The following DYNC1H1 variants were observed in gnomAD, a reference collection of about 807,000 sequenced individuals.
DYNC1H1 encodes the protein cytoplasmic dynein 1 heavy chain 1.
In DYNC1H1, 51 loss-of-function variants were observed where a neutral mutation model predicts 527.1. The ratio of observed to expected loss-of-function variants is 0.10; its 90% CI spans 0.08 to 0.12. The LOEUF is 0.12. DYNC1H1 is among the 10% of genes least tolerant of loss of function. DYNC1H1 has a pLI of 1.00. For missense variants in DYNC1H1, 2,771 were observed against 5,971.8 expected (o/e 0.46, Z 17.66); for synonymous variants, 2,189 against 2,278.8 (o/e 0.96, Z 1.12).
At position 102,041,878 on chromosome 14, in the gene DYNC1H1, C is replaced by T. The variant is rs576809364; in HGVS notation, c.12103-135C>T. ...GGAACTCGCTGCAGATTCTCAACTC[C>T]TGGCTGCATGGTGCCCACACCTCTG... On this transcript the variant is annotated intron_variant, in intron 65 of 77. Transcript: ENST00000360184. The surrounding 1 kb of genome is among the most constrained non-coding windows in gnomAD (Gnocchi z 4.5). 4.6e-6 allele frequency: 7 copies of T among 1,506,822 alleles called. No homozygotes were observed. The African/African-American group carries it at 5.5e-5, about 12-fold the overall frequency. 93.3% of individuals were successfully genotyped at this position (1,506,822 alleles called of 1,614,324 possible).
chr14:102,000,644 G>A lies in DYNC1H1; in HGVS notation c.4074+245G>A, dbSNP rs530227769. ...GGCTGGAGTGCAATGGCATGATCTC[G>A]GCTCACTGCAACCTCCGCCTCCCGG... On this transcript the variant is annotated intron_variant, in intron 18 of 77. Coordinates refer to ENST00000360184, the MANE Select transcript of DYNC1H1 (RefSeq NM_001376.5). 4.7e-4 allele frequency: 235 copies of A among 502,926 alleles called. 1 individual carries two copies. Among genetic ancestry groups the A allele is most frequent in the Non-Finnish European group, 7.3e-4 (207 of 284,170 alleles). 31.2% of individuals were successfully genotyped at this position (502,926 alleles called of 1,614,324 possible). A position where few individuals can be genotyped will look rare whatever the true frequency, so the allele number is the denominator to read the frequency against.
Position 101,997,404 on chromosome 14 carries a change from G to A in DYNC1H1, c.3804+130G>A. On this transcript the variant is annotated intron_variant, in intron 16 of 77. Coordinates refer to ENST00000360184, the MANE Select transcript of DYNC1H1 (RefSeq NM_001376.5). This position sits in a 1 kb window ranked among gnomAD's most constrained non-coding sequence, Gnocchi z 4.8. Reference sequence around the variant, plus strand: ...ATTGAAGACTCTTTTCCTTTTTGTAGTTAAAAAAGCAGATGGAGATAGCAA... The same window carrying A: ...ATTGAAGACTCTTTTCCTTTTTGTAATTAAAAAAGCAGATGGAGATAGCAA... The A allele has an allele frequency of 6.7e-7, 1 of 1,492,858 alleles. No homozygotes were observed. 92.5% of individuals were successfully genotyped at this position (1,492,858 alleles called of 1,614,324 possible).
chr14:101,965,092 CG>C lies in DYNC1H1; in HGVS notation c.256+146del. 7.9e-6 allele frequency: 7 copies of C among 883,860 alleles called. No individual in the cohort carries two copies. The highest frequency in any genetic ancestry group is 1.1e-5 in the Non-Finnish European group (7 of 629,288). 54.8% of individuals were successfully genotyped at this position (883,860 alleles called of 1,614,324 possible). A position where few individuals can be genotyped will look rare whatever the true frequency, so the allele number is the denominator to read the frequency against. ...CCCTGGATGGGCAGAGCCCGGCGGC[CG>C]CAGACGTCCCGCCGGCCGGGTCCCC... On this transcript the variant is annotated intron_variant, in intron 1 of 77. Coordinates refer to ENST00000360184, the MANE Select transcript of DYNC1H1 (RefSeq NM_001376.5). This position sits in a 1 kb window ranked among gnomAD's most constrained non-coding sequence, Gnocchi z 4.1.
Position 102,012,851 on chromosome 14 carries a change from G to C in DYNC1H1, c.7014+381G>C. The C allele has an allele frequency of 2.9e-6, 1 of 347,754 alleles. No individual in the cohort carries two copies. Among genetic ancestry groups the C allele is most frequent in the Non-Finnish European group, 5.5e-6 (1 of 180,766 alleles). The allele number at this position is 347,754 out of a possible 1,614,324, so 21.5% of individuals were successfully genotyped here. A position where few individuals can be genotyped will look rare whatever the true frequency, so the allele number is the denominator to read the frequency against. ...GTCCCTTGGAAAATGAGTGCATGATGCAGGTGCCTGACAACACCTACTGAT... is the reference window on the plus strand; with the variant it reads ...GTCCCTTGGAAAATGAGTGCATGATCCAGGTGCCTGACAACACCTACTGAT... On this transcript the variant is annotated intron_variant, in intron 34 of 77. Transcript: ENST00000360184. The surrounding 1 kb of genome is among the most constrained non-coding windows in gnomAD (Gnocchi z 4.9).
In DYNC1H1 at chr14:102,044,892, G is replaced by A. The variant is rs566853487; in HGVS notation, c.13006+194G>A. On this transcript the variant is annotated intron_variant, in intron 72 of 77. Coordinates refer to ENST00000360184, the MANE Select transcript of DYNC1H1 (RefSeq NM_001376.5). The surrounding 1 kb of genome is among the most constrained non-coding windows in gnomAD (Gnocchi z 7.1). ...CAGCTGCTCCTAGCTCCACTCCGAG[G>A]GGAGGCAGAGGAAAGAACTGGCTCT... 4.7e-6 allele frequency: 3 copies of A among 634,306 alleles called. No homozygotes were observed. The highest frequency in any genetic ancestry group is 3.6e-5 in the African/African-American group (2 of 55,008). 39.3% of individuals were successfully genotyped at this position (634,306 alleles called of 1,614,324 possible).
chr14:102,050,065 T>C lies in DYNC1H1; in HGVS notation c.13685-6T>C, dbSNP rs767946487. Reference sequence around the variant, plus strand: ...CTCAGCCTGGGTTTTGGCTTCCGCCTCACAGGTTTGAAACTTCAAGGGGCC... The same window carrying C: ...CTCAGCCTGGGTTTTGGCTTCCGCCCCACAGGTTTGAAACTTCAAGGGGCC... On this transcript the variant is annotated splice_region_variant and splice_polypyrimidine_tract_variant and intron_variant, in intron 76 of 77. Transcript: ENST00000360184. The C allele has an allele frequency of 6.2e-7, 1 of 1,614,116 alleles. No homozygotes were observed. The highest frequency in any genetic ancestry group is 1.1e-5 in the South Asian group (1 of 91,088).
Position 102,011,049 on chromosome 14 carries a change from C to T in DYNC1H1, c.6618+97C>T. ...GTGGGCCCTTCGATGAAACTGTCCA[C>T]AAAGGCTGTGGAGGTGCATAATATG... On this transcript the variant is annotated intron_variant, in intron 32 of 77. Coordinates refer to ENST00000360184, the MANE Select transcript of DYNC1H1 (RefSeq NM_001376.5). The surrounding 1 kb of genome is among the most constrained non-coding windows in gnomAD (Gnocchi z 5.3). 1.5e-6 allele frequency: 2 copies of T among 1,321,138 alleles called. No homozygotes were observed. Among genetic ancestry groups the T allele is most frequent in the Non-Finnish European group, 2.2e-6 (2 of 916,924 alleles). The allele number at this position is 1,321,138 out of a possible 1,614,324, so 81.8% of individuals were successfully genotyped here.
chr14:102,033,616 CT>C lies in DYNC1H1; in HGVS notation c.10413+138del. On this transcript the variant is annotated intron_variant, in intron 54 of 77. Transcript: ENST00000360184. This position sits in a 1 kb window ranked among gnomAD's most constrained non-coding sequence, Gnocchi z 5.6. Reference sequence around the variant, plus strand: ...TTAACATCTGTAAGGCCCCGGAGGACTTTTTTCCTGGAAAATAATACACACT... The same window carrying C: ...TTAACATCTGTAAGGCCCCGGAGGACTTTTTCCTGGAAAATAATACACACT... 7 of 1,203,466 alleles carry C rather than the reference CT, an allele frequency of 5.8e-6. No individual in the cohort carries two copies. Among genetic ancestry groups the C allele is most frequent in the Non-Finnish European group, 5.9e-6 (5 of 843,802 alleles). The allele number at this position is 1,203,466 out of a possible 1,614,324, so 74.5% of individuals were successfully genotyped here. A position where few individuals can be genotyped will look rare whatever the true frequency, so the allele number is the denominator to read the frequency against.
chr14:102,005,778 A>G lies in DYNC1H1; in HGVS notation c.5434-110A>G. On this transcript the variant is annotated intron_variant, in intron 26 of 77. Coordinates refer to ENST00000360184, the MANE Select transcript of DYNC1H1 (RefSeq NM_001376.5). This position sits in a 1 kb window ranked among gnomAD's most constrained non-coding sequence, Gnocchi z 4.0. ...CCTTTTGGAACATTTACTGAAAGCCATTGTAACTGGACCTAGAACCTCAAT... is the reference window on the plus strand; with the variant it reads ...CCTTTTGGAACATTTACTGAAAGCCGTTGTAACTGGACCTAGAACCTCAAT... 5 of 1,380,476 alleles carry G rather than the reference A, an allele frequency of 3.6e-6. No individual in the cohort carries two copies. Among genetic ancestry groups the G allele is most frequent in the Non-Finnish European group, 5.1e-6 (5 of 975,010 alleles). The allele number at this position is 1,380,476 out of a possible 1,614,324, so 85.5% of individuals were successfully genotyped here.
intron 1 of DYNC1H1, among the ~76,000 whole-genome samples, chr14:101,968,253 T>C (rs2047689763): frequency 6.6e-6 from 1 of 152,030 alleles, no homozygotes; most frequent in South Asian, 2.1e-4. Context: ...GCGTGTAGTT[T>C]GGGTTTTTTG....
chr14:102,001,139 C>G lies in DYNC1H1; in HGVS notation c.4186-6C>G. ...GCACAGATCACTTTGTTTACTTTCT[C>G]CACAGATAAATATGCTGGTGATTGA... On this transcript the variant is annotated splice_region_variant and splice_polypyrimidine_tract_variant and intron_variant, in intron 19 of 77. Transcript: ENST00000360184. The surrounding 1 kb of genome is among the most constrained non-coding windows in gnomAD (Gnocchi z 5.0). 6.2e-7 allele frequency: 1 copy of G among 1,614,198 alleles called. No individual in the cohort carries two copies. The highest frequency in any genetic ancestry group is 8.5e-7 in the Non-Finnish European group (1 of 1,180,044).
Position 102,010,300 on chromosome 14 carries a change from C to G in DYNC1H1, c.6246C>G (p.Ser2082=), listed in dbSNP as rs1374180747. Residue 2082 remains serine (S), a synonymous_variant, in exon 31 of 78, where the codon TCC becomes TCG. Coordinates refer to ENST00000360184, the MANE Select transcript of DYNC1H1 (RefSeq NM_001376.5). The surrounding 1 kb of genome is among the most constrained non-coding windows in gnomAD (Gnocchi z 6.0). The part of the protein sequence containing the change: ...FFKLCDEQLS[S]QSHYDFGLRA... ...GACTATGCGATGAGCAGCTCTCTTC[C>G]CAAAGCCATTATGACTTCGGTCTTC... 1.2e-6 allele frequency: 2 copies of G among 1,613,868 alleles called. No homozygotes were observed. The highest frequency in any genetic ancestry group is 1.7e-6 in the Non-Finnish European group (2 of 1,180,002).
Position 102,006,012 on chromosome 14 carries a change from T to C in DYNC1H1, c.5558T>C (p.Val1853Ala). ...TACTTTGACCCTAAGCAAACTGATG[T>C]GTTACAGCAGTTGTCAATTCAAATG... ...RFYFDPKQTD[V>A]LQQLSIQMAN... Residue 1853 changes from valine (V) to alanine (A), a missense_variant, in exon 27 of 78, where the codon GTG becomes GCG. Around this residue, in one of 32 missense-constraint regions of DYNC1H1, gnomAD observed 64 missense variants for 143.4 expected, o/e 0.45. Transcript: ENST00000360184. The C allele has an allele frequency of 1.9e-6, 3 of 1,614,230 alleles. No homozygotes were observed. The highest frequency in any genetic ancestry group is 2.5e-6 in the Non-Finnish European group (3 of 1,180,030).
At position 102,026,698 on chromosome 14, in the gene DYNC1H1, G is replaced by A. The variant is rs746552692; in HGVS notation, c.8762G>A (p.Arg2921Lys). 2.5e-6 allele frequency: 4 copies of A among 1,614,068 alleles called. No individual in the cohort carries two copies. The highest frequency in any genetic ancestry group is 1.7e-5 in the Admixed American group (1 of 60,006). ...LFNEVLDHVL[R>K]IDRIFRQPQG... ...AATGAAGTCCTAGACCACGTGCTGAGGATTGACAGGTGGGCTTTTTTGTTG... is the reference window on the plus strand; with the variant it reads ...AATGAAGTCCTAGACCACGTGCTGAAGATTGACAGGTGGGCTTTTTTGTTG... The change falls in exon 44 of 78, where the codon AGG becomes AAG. Residue 2921 changes from arginine to lysine, a missense_variant. Around this residue, in one of 32 missense-constraint regions of DYNC1H1, gnomAD observed 84 missense variants for 285.4 expected, o/e 0.29. Coordinates refer to ENST00000360184, the MANE Select transcript of DYNC1H1 (RefSeq NM_001376.5).
Position 102,002,657 on chromosome 14 carries a change from G to A in DYNC1H1, c.4663G>A (p.Ala1555Thr). Residue 1555 changes from alanine to threonine, a missense_variant, in exon 22 of 78, where the codon GCA becomes ACA. This residue lies in a region of DYNC1H1 where 51 missense variants were observed against 189.2 expected (regional missense o/e 0.27). Transcript: ENST00000360184. The surrounding 1 kb of genome is among the most constrained non-coding windows in gnomAD (Gnocchi z 4.4). ...CCTGGAAGGTATCTTCACAGGCAGT[G>A]CAGATATCAAGCACCTGCTGCCAGT... The part of the protein sequence containing the change: ...VYLEGIFTGS[A>T]DIKHLLPVET... 6.2e-7 allele frequency: 1 copy of A among 1,614,244 alleles called. No homozygotes were observed. Among genetic ancestry groups the A allele is most frequent in the Non-Finnish European group, 8.5e-7 (1 of 1,180,048 alleles).
Position 101,970,314 on chromosome 14 carries a change from C to G in DYNC1H1, c.256+5367C>G, listed in dbSNP as rs529846056. Reference sequence around the variant, plus strand: ...GTGGTTGTGGGAAAGAAGTCATGGCCCCTCAGGAGGATGAAAGGGTGGACA... The same window carrying G: ...GTGGTTGTGGGAAAGAAGTCATGGCGCCTCAGGAGGATGAAAGGGTGGACA... On this transcript the variant is annotated intron_variant, in intron 1 of 77. Transcript: ENST00000360184. Among the ~76,000 whole-genome samples the G allele has an allele frequency of 2.6e-5, 4 of 151,696 alleles. No homozygotes were observed. The South Asian group carries it at 8.3e-4, about 32-fold the overall frequency.
intron 23 of DYNC1H1, among the ~76,000 whole-genome samples, chr14:102,004,110 G>A (rs1173654520): frequency 6.6e-6 from 1 of 151,792 alleles, no homozygotes; most frequent in African/African-American, 2.4e-5. Context: ...CGGGCGTGGT[G>A]GTGGGCGCCT....
At position 102,049,482 on chromosome 14, in the gene DYNC1H1, G is replaced by T. The variant is rs868026347; in HGVS notation, c.13415G>T (p.Gly4472Val). 8 of 1,614,084 alleles carry T rather than the reference G, an allele frequency of 5.0e-6. No individual in the cohort carries two copies. ...TGGTCCCACTACACGGTGCCTGCCG[G>T]CATGACCGTCATCCAGTGGGTGTCC... ...RSWSHYTVPA[G>V]MTVIQWVSDF... The change falls in exon 75 of 78, where the codon GGC (glycine) becomes GTC (valine). Residue 4472 changes from glycine (G) to valine (V), a missense_variant. Around this residue, in one of 32 missense-constraint regions of DYNC1H1, gnomAD observed 170 missense variants for 249.8 expected, o/e 0.68. Coordinates refer to ENST00000360184, the MANE Select transcript of DYNC1H1 (RefSeq NM_001376.5). This position sits in a 1 kb window ranked among gnomAD's most constrained non-coding sequence, Gnocchi z 5.5.
chr14:102,028,359 A>G (rs1191489484), intron 48 of DYNC1H1: 1 of 497,304 alleles, frequency 2.0e-6, no homozygotes, highest in East Asian at 4.2e-5. Flanking sequence ...AAAAAATACA[A>G]AGAAAATTAG....
Sources: gnomAD v4.1 joint callset for allele counts (sites outside exome capture counted in the v4.1 genomes callset) on GRCh38, gnomAD v4.1.1 for gene constraint, gnomAD v4.1.1 regional missense constraint, Gnocchi (gnomAD v3.1) non-coding constraint, MANE v1.5 for transcripts, NCBI Gene and HGNC (gene_info 2026-07-23, HGNC 2026-07-21) for gene names.